TTC6: variants seen among roughly 807,000 people sequenced by gnomAD.
TTC6 encodes the protein tetratricopeptide repeat protein 6.
TTC6 carries 172 observed loss-of-function variants against 210.4 expected under a neutral mutation model. That is an observed-to-expected ratio of 0.82 (90% CI 0.72 to 0.93). The LOEUF (loss-of-function observed/expected upper bound fraction) is 0.93, where lower values mean the gene tolerates loss of function less well. Ranked by LOEUF, TTC6 falls within the 40% of genes least tolerant of loss-of-function variation. The pLI is 0.00. For missense variants in TTC6, 2,414 were observed against 2,318.1 expected, an observed-to-expected ratio of 1.04 and a Z score of -0.85; for synonymous variants, 804 against 819.6, an observed-to-expected ratio of 0.98 and a Z score of 0.32.
chr14:37,782,662 A>G (rs2096058040), intron 14 of TTC6, among the ~76,000 whole-genome samples: 1 of 152,096 alleles, frequency 6.6e-6, no homozygotes, highest in Non-Finnish European at 1.5e-5. Flanking sequence ...TTCCAACACT[A>G]TGTTGAATAG....
At chr14:37,830,799 A>AT (rs201773618) in intron 29 of TTC6, among the ~76,000 whole-genome samples, 1 of 151,702 alleles carries the variant, frequency 6.6e-6, no homozygotes, top group African/African-American at 2.4e-5. Flanking sequence ...AAAATGTTAT[A>AT]TTTTTTATTG....
chr14:37,823,740 T>C lies in TTC6; in HGVS notation c.4764-7T>C. On this transcript the variant is annotated splice_polypyrimidine_tract_variant and splice_region_variant and intron_variant, in intron 26 of 30. Transcript: ENST00000553443. ...CAGAAGGCATCAATATTTTTATTTA[T>C]TTGCAGAATTAATGAGTTTGAAGAA... The C allele has an allele frequency of 6.2e-7, 1 of 1,611,618 alleles. No individual in the cohort carries two copies. The highest frequency in any genetic ancestry group is 8.5e-7 in the Non-Finnish European group (1 of 1,178,310).
At chr14:37,676,490 A>G (rs2095769908) in intron 1 of TTC6, among the ~76,000 whole-genome samples, 1 of 152,024 alleles carries the variant, frequency 6.6e-6, no homozygotes, top group Non-Finnish European at 1.5e-5. Context: ...ATGATTTACA[A>G]ATATTTTCTC....
intron 14 of TTC6, among the ~76,000 whole-genome samples, chr14:37,782,952 T>C (rs896742832): frequency 1.8e-4 from 28 of 152,290 alleles, no homozygotes; most frequent in Admixed American, 1.7e-3. Flanking sequence ...GTATGTTGAA[T>C]CAGCCTTGCA....
chr14:37,840,484 A>C (rs2096207433), intron 29 of TTC6, among the ~76,000 whole-genome samples: 1 of 152,190 alleles, frequency 6.6e-6, no homozygotes, highest in Admixed American at 6.5e-5. Flanking sequence ...TCCCTAACTC[A>C]TTTTATGAGG....
rs184767824 is a variant in TTC6 at position 37,749,343 on chromosome 14, G to A, written c.2768G>A (p.Arg923His). The change falls in exon 11 of 31, where the codon CGT (arginine) becomes CAT (histidine). Residue 923 changes from arginine to histidine, a missense_variant. Arg to His is a conservative substitution (Grantham distance 29). Transcript: ENST00000553443. ...TATCCTGCATTTGCATATTGTAGGC[G>A]TGGAGCTATTTATAGGAAACTGGGA... The A allele has an allele frequency of 6.1e-3, 9,087 of 1,491,782 alleles. 116 individuals are homozygous for A. The highest frequency in any genetic ancestry group is 6.5e-3 in the Non-Finnish European group (7,291 of 1,125,536). 92.4% of individuals were successfully genotyped at this position (1,491,782 alleles called of 1,614,324 possible). A position where few individuals can be genotyped will look rare whatever the true frequency, so the allele number is the denominator to read the frequency against.
intron 26 of TTC6, among the ~76,000 whole-genome samples, chr14:37,822,989 G>T (rs1034867655): frequency 6.6e-6 from 1 of 152,166 alleles, no homozygotes; most frequent in Non-Finnish European, 1.5e-5. Flanking sequence ...CTAGTTGCTA[G>T]TATCCTTATT....
intron 14 of TTC6, among the ~76,000 whole-genome samples, chr14:37,771,537 G>A (rs951516985): frequency 3.3e-5 from 5 of 151,774 alleles, no homozygotes; most frequent in Admixed American, 1.3e-4. Flanking sequence ...TTCCCTTCTC[G>A]CTTCATTTCA....
intron 1 of TTC6, among the ~76,000 whole-genome samples, chr14:37,654,832 G>A (rs2095719050): frequency 2.0e-5 from 3 of 152,040 alleles, no homozygotes; most frequent in Admixed American, 6.6e-5. Flanking sequence ...ATAATAGCAC[G>A]CCCAGAATAT....
intron 14 of TTC6, among the ~76,000 whole-genome samples, chr14:37,784,510 G>A (rs2096063036): frequency 6.6e-6 from 1 of 152,024 alleles, no homozygotes; most frequent in African/African-American, 2.4e-5. Context: ...GAGCCTATGT[G>A]TGTCTCTGCA....
chr14:37,652,548 G>C (rs1382042180), intron 1 of TTC6, among the ~76,000 whole-genome samples: 2 of 152,126 alleles, frequency 1.3e-5, no homozygotes, highest in African/African-American at 4.8e-5. Context: ...AGTAATACAT[G>C]AACATAGTTT....
chr14:37,736,123 T>C (rs571590919), intron 8 of TTC6, 113 bp downstream of exon 10: 15 of 626,080 alleles, frequency 2.4e-5, no homozygotes, highest in Admixed American at 2.3e-4. Flanking sequence ...TGGTGGCTCA[T>C]GTCTGTAATC....
At chr14:37,787,173 A>G (rs923810783) in intron 14 of TTC6, among the ~76,000 whole-genome samples, 2 of 152,204 alleles carry the variant, frequency 1.3e-5, no homozygotes, top group African/African-American at 2.4e-5. Context: ...AATAAATGTC[A>G]TACTTATTTT....
chr14:37,804,478 C>G (rs1440646083), intron 20 of TTC6, among the ~76,000 whole-genome samples: 1 of 152,162 alleles, frequency 6.6e-6, no homozygotes, highest in African/African-American at 2.4e-5. Context: ...GGGTGGGACT[C>G]ATGAGGGTAA....
chr14:37,686,575 G>A lies in TTC6; in HGVS notation c.1257+3611G>A, dbSNP rs568264428. On this transcript the variant is annotated intron_variant, in intron 3 of 30. Transcript: ENST00000553443. Reference sequence around the variant, plus strand: ...CTGATAAAGACATATCCAAAACTGGGAAATTTACAAAAGAAAGAGGTTTAA... The same window carrying A: ...CTGATAAAGACATATCCAAAACTGGAAAATTTACAAAAGAAAGAGGTTTAA... 3.9e-5 allele frequency among the ~76,000 whole-genome samples: 6 copies of A among 152,252 alleles called. No homozygotes were observed. The East Asian group carries it at 1.2e-3, about 29-fold the overall frequency.
intron 14 of TTC6, among the ~76,000 whole-genome samples, chr14:37,765,261 C>G (rs1034224407): frequency 1.3e-5 from 2 of 151,214 alleles, no homozygotes; most frequent in African/African-American, 4.9e-5. Context: ...CTCCTAGGCT[C>G]AAGTGATCCT....
intron 1 of TTC6, among the ~76,000 whole-genome samples, chr14:37,661,340 A>G (rs1292564275): frequency 6.6e-6 from 1 of 151,414 alleles, no homozygotes; most frequent in East Asian, 1.9e-4. Flanking sequence ...TAAATCTTTA[A>G]TCCATCCAAG....
At chr14:37,764,071 G>A (rs756749055) in intron 14 of TTC6, among the ~76,000 whole-genome samples, 3 of 151,414 alleles carry the variant, frequency 2.0e-5, no homozygotes, top group Admixed American at 6.6e-5. Flanking sequence ...TAATTTCCAC[G>A]TACTTGTGAA....
chr14:37,709,249 C>G (rs1237635251), intron 5 of TTC6, among the ~76,000 whole-genome samples: 1 of 152,022 alleles, frequency 6.6e-6, no homozygotes, highest in African/African-American at 2.4e-5. Flanking sequence ...GTACATTGAA[C>G]AGAGTTGTAA....
Sources: gnomAD v4.1 joint callset for allele counts (sites outside exome capture counted in the v4.1 genomes callset) on GRCh38, gnomAD v4.1.1 for gene constraint, MANE v1.5 for transcripts, NCBI Gene and HGNC (gene_info 2026-07-23, HGNC 2026-07-21) for gene names.